TMTC1: variants seen among roughly 807,000 people sequenced by gnomAD.
TMTC1 encodes the protein transmembrane O-mannosyltransferase targeting cadherins 1, also known as protein O-mannosyl-transferase TMTC1.
In TMTC1, 73 loss-of-function variants were observed where a neutral mutation model predicts 104.8. The ratio of observed to expected loss-of-function variants is 0.70; its 90% CI spans 0.58 to 0.85. The LOEUF is 0.85. TMTC1 is among the 40% of genes least tolerant of loss of function. The pLI, the probability that TMTC1 is intolerant of heterozygous loss-of-function variation, is 0.00. For missense variants in TMTC1, 1,035 were observed against 1,096.1 expected, an observed-to-expected ratio of 0.94 and a Z score of 0.79; for synonymous variants, 434 against 428.7, an observed-to-expected ratio of 1.01 and a Z score of -0.15.
chr12:29,767,822 G>T, intron 2 of TMTC1, 76 bp downstream of exon 2: 2 of 1,273,562 alleles, frequency 1.6e-6, no homozygotes, highest in Non-Finnish European at 2.2e-6. Flanking sequence ...GTATATATAT[G>T]TGTGTGTATA....
intron 2 of TMTC1, among the ~76,000 whole-genome samples, chr12:29,766,754 T>C (rs2120477738): frequency 6.6e-6 from 1 of 152,216 alleles, no homozygotes; most frequent in East Asian, 1.9e-4. Context: ...TCCAAAGAGA[T>C]GCAAGCTGAA....
Position 29,517,569 on chromosome 12 carries a change from G to T in TMTC1, c.2027C>A (p.Ala676Asp). 6.2e-7 allele frequency: 1 copy of T among 1,614,068 alleles called. No homozygotes were observed. Among genetic ancestry groups the T allele is most frequent in the Non-Finnish European group, 8.5e-7 (1 of 1,179,984 alleles). The change falls in exon 14 of 18, where the codon GCC becomes GAC. Residue 676 changes from alanine (A) to aspartate (D), a missense_variant and splice_region_variant. Ala to Asp is a moderately radical substitution (Grantham distance 126). Transcript: ENST00000539277. ...CTCAGCTTTGTGTGCCACCTGCAGG[G>T]CGCTGAGTTTGGAGAAAATCTAAAT... is the stretch of plus-strand genomic sequence containing the variant. ...NSMAEEWYKR[A>D]LQVAHKAEIL...
At chr12:29,587,017 C>T (rs1228324937) in intron 7 of TMTC1, among the ~76,000 whole-genome samples, 3 of 152,078 alleles carry the variant, frequency 2.0e-5, no homozygotes, top group African/African-American at 7.2e-5. Context: ...ATGGTACCAG[C>T]TCCTCCTTGT....
chr12:29,604,328 T>G lies in TMTC1; in HGVS notation c.1129-29A>C, dbSNP rs112328404. On this transcript the variant is annotated intron_variant, in intron 6 of 17. Coordinates refer to ENST00000539277, the MANE Select transcript of TMTC1 (RefSeq NM_001193451.2). ...AAACACACAATAGTGAAGGAAACAT[T>G]AACTTCTGTTGAATTCCACTTCAGG... 9.5e-4 allele frequency: 1,525 copies of G among 1,612,912 alleles called. 16 individuals carry two copies. The African/African-American group carries it at 0.018, about 19-fold the overall frequency.
chr12:29,552,499 C>T (rs1471744145), intron 10 of TMTC1, among the ~76,000 whole-genome samples: 1 of 152,100 alleles, frequency 6.6e-6, no homozygotes, highest in East Asian at 1.9e-4. Flanking sequence ...AGTGATGCTG[C>T]AGGCTGTAGC....
intron 5 of TMTC1, among the ~76,000 whole-genome samples, chr12:29,717,296 G>A (rs1407450212): frequency 1.3e-5 from 2 of 152,180 alleles, no homozygotes; most frequent in South Asian, 2.1e-4. Flanking sequence ...ATAAACTTAC[G>A]GAGTAAGTGG....
chr12:29,728,577 C>T (rs916499702), intron 5 of TMTC1, among the ~76,000 whole-genome samples: 5 of 152,104 alleles, frequency 3.3e-5, no homozygotes, highest in East Asian at 1.9e-4. Context: ...CTCTATCCCT[C>T]GTCACACAAA....
chr12:29,595,658 G>A (rs1398797740), intron 7 of TMTC1, among the ~76,000 whole-genome samples: 1 of 152,232 alleles, frequency 6.6e-6, no homozygotes, highest in African/African-American at 2.4e-5. Flanking sequence ...GGATGGAGCA[G>A]TTCAGGAGGG....
intron 7 of TMTC1, among the ~76,000 whole-genome samples, chr12:29,594,731 G>A (rs891373854): frequency 6.6e-6 from 1 of 152,218 alleles, no homozygotes; most frequent in Non-Finnish European, 1.5e-5. Flanking sequence ...GGCCCACTTT[G>A]TAGGGCACTG....
chr12:29,691,252 C>G (rs1024375208), intron 5 of TMTC1, among the ~76,000 whole-genome samples: 3 of 152,122 alleles, frequency 2.0e-5, no homozygotes, highest in African/African-American at 7.2e-5. Context: ...CTGACACCAC[C>G]CAGACCAGCA....
At chr12:29,679,633 C>A (rs80173766) in intron 5 of TMTC1, among the ~76,000 whole-genome samples, 5,881 of 144,200 alleles carry the variant, frequency 0.041, 355 homozygotes, top group African/African-American at 0.13. Flanking sequence ...ATGTGTACAA[C>A]ATGCTATCAT....
intron 5 of TMTC1, among the ~76,000 whole-genome samples, chr12:29,659,276 C>T (rs945449816): frequency 6.6e-6 from 1 of 152,166 alleles, no homozygotes; most frequent in Non-Finnish European, 1.5e-5. Context: ...AATCTCATAT[C>T]GAAATGTAAT....
intron 7 of TMTC1, among the ~76,000 whole-genome samples, chr12:29,587,473 T>C (rs1946169436): frequency 6.6e-6 from 1 of 151,888 alleles, no homozygotes; most frequent in South Asian, 2.1e-4. Context: ...AGTTGGGACT[T>C]AGGTGTTCAC....
chr12:29,699,861 T>C (rs534810690), intron 5 of TMTC1, among the ~76,000 whole-genome samples: 2 of 151,992 alleles, frequency 1.3e-5, no homozygotes, highest in South Asian at 4.2e-4. Flanking sequence ...GGGCTGGTCT[T>C]GAACTCCTAA....
At chr12:29,673,225 A>T (rs1022822771) in intron 5 of TMTC1, among the ~76,000 whole-genome samples, 1 of 138,204 alleles carries the variant, frequency 7.2e-6, no homozygotes, top group Non-Finnish European at 1.6e-5. Flanking sequence ...TTTTATTTTC[A>T]AATTCCAATA....
At chr12:29,536,181 G>A in intron 11 of TMTC1, 28 bp downstream of exon 11, 1 of 1,413,610 alleles carries the variant, frequency 7.1e-7, no homozygotes, top group South Asian at 1.2e-5. Flanking sequence ...CAATAACATT[G>A]AAAAAAACTA....
At chr12:29,684,594 T>C (rs979312174) in intron 5 of TMTC1, among the ~76,000 whole-genome samples, 45 of 152,216 alleles carry the variant, frequency 3.0e-4, no homozygotes. Flanking sequence ...TTTCTTTTTA[T>C]TTCTATTTTT....
At chr12:29,595,763 C>A (rs954502819) in intron 7 of TMTC1, among the ~76,000 whole-genome samples, 1 of 152,182 alleles carries the variant, frequency 6.6e-6, no homozygotes, top group East Asian at 1.9e-4. Flanking sequence ...AACTTTTGAA[C>A]CCCTTTGTAG....
rs545014772 is a variant in TMTC1, at chr12:29,731,446, C to T, written c.938+20220G>A. On this transcript the variant is annotated intron_variant, in intron 5 of 17. Transcript: ENST00000539277. The stretch of plus-strand genomic sequence containing the variant: ...GCTGGAATTATATGCCCACAATGCA[C>T]GGCCGCAAATTGGATTTTAAACAAC... 3.9e-5 allele frequency among the ~76,000 whole-genome samples: 6 copies of T among 152,280 alleles called. No individual in the cohort carries two copies. In the South Asian group the frequency reaches 6.2e-4, roughly 16 times the overall value.
Sources: allele counts gnomAD v4.1 joint callset (sites outside exome capture counted in the v4.1 genomes callset), GRCh38; gene constraint gnomAD v4.1.1; transcripts MANE v1.5; gene names NCBI Gene and HGNC (gene_info 2026-07-23, HGNC 2026-07-21).